The following RAD17 variants were observed in gnomAD, a reference collection of about 807,000 sequenced individuals.
RAD17 encodes the protein cell cycle checkpoint protein RAD17.
In RAD17, 31 loss-of-function variants were observed where a neutral mutation model predicts 81.5. The ratio of observed to expected loss-of-function variants is 0.38; its 90% CI spans 0.29 to 0.51. RAD17 has a LOEUF of 0.51. Among genes scored for constraint, RAD17 ranks in the 20% least tolerant of loss-of-function variants. The pLI, the probability that RAD17 is intolerant of heterozygous loss-of-function variation, is 0.88. For missense variants in RAD17, 681 were observed against 781.2 expected (o/e 0.87, Z 1.53); for synonymous variants, 261 against 266.2 (o/e 0.98, Z 0.19).
intron 16 of RAD17, among the ~76,000 whole-genome samples, chr5:69,399,671 CTTGCTCAGCATAACGTG>C (rs1315864063): frequency 7.6e-6 from 1 of 131,982 alleles, no homozygotes; most frequent in East Asian, 2.2e-4. Context: ...GTGCTTTTCT[CTTGCTCAGCATAACGTG>C]TTGACTAAAG....
rs374304405 is a variant in RAD17 at position 69,391,979 on chromosome 5, C to T, written c.1155C>T (p.Leu385=). The change falls in exon 13 of 19, where the codon CTC becomes CTT. Residue 385 remains leucine (L), a synonymous_variant. Transcript: ENST00000354868. ...GTGGCAAAGATGTTTCTCTGTTTCT[C>T]TTCAGAGCTTTGGGGAAAATTCTAT... The part of the protein sequence containing the change: ...AIGGKDVSLF[L]FRALGKILYC... 25 of 1,554,210 alleles carry T rather than the reference C, an allele frequency of 1.6e-5. No homozygotes were observed. Among genetic ancestry groups the T allele is most frequent in the Non-Finnish European group, 2.2e-5 (25 of 1,160,096 alleles).
chr5:69,407,036 T>C (rs1765648465), intron 17 of RAD17, among the ~76,000 whole-genome samples: 1 of 142,662 alleles, frequency 7.0e-6, no homozygotes, highest in Non-Finnish European at 1.5e-5. Context: ...GGAGTCTTGC[T>C]GTATCTCCCA....
intron 13 of RAD17, among the ~76,000 whole-genome samples, chr5:69,392,326 C>G (rs1195357039): frequency 6.6e-6 from 1 of 152,162 alleles, no homozygotes; most frequent in Non-Finnish European, 1.5e-5. Context: ...GCCTAAAGCC[C>G]TCTTAACACT....
chr5:69,402,089 T>G (rs1435833517), intron 17 of RAD17, among the ~76,000 whole-genome samples: 1 of 149,700 alleles, frequency 6.7e-6, no homozygotes, highest in Middle Eastern at 3.2e-3. Flanking sequence ...CTCTTGTTGC[T>G]GAGGCTGGAG....
In RAD17 at chr5:69,384,861, A is replaced by G; in HGVS notation, c.573A>G (p.Arg191=). The change falls in exon 8 of 19, where the codon AGA becomes AGG. Residue 191 remains arginine (R), a synonymous_variant. Transcript: ENST00000354868. ...QIAVFKEFLL[R]ATKYNKLQML... ...CAGTTTTCAAAGAGTTTCTACTAAGAGCGACAAAGTATAACAAGTTACAAA... is the reference window on the plus strand; with the variant it reads ...CAGTTTTCAAAGAGTTTCTACTAAGGGCGACAAAGTATAACAAGTTACAAA... The G allele has an allele frequency of 3.1e-6, 5 of 1,612,880 alleles. No homozygotes were observed. The highest frequency in any genetic ancestry group is 3.4e-6 in the Non-Finnish European group (4 of 1,179,020).
chr5:69,389,257 T>G, intron 12 of RAD17, 112 bp downstream of exon 12: 1 of 533,752 alleles, frequency 1.9e-6, no homozygotes, highest in Non-Finnish European at 3.1e-6. Flanking sequence ...CTATTTATCC[T>G]TCTTTATTAC....
chr5:69,414,253 A>C lies in RAD17; in HGVS notation c.1974A>C (p.Glu658Asp). 2.5e-6 allele frequency: 4 copies of C among 1,614,194 alleles called. No individual in the cohort carries two copies. The highest frequency in any genetic ancestry group is 3.4e-6 in the Non-Finnish European group (4 of 1,179,988). ...QPFSAQGDME[E>D]NIIIEDYESD... ...TTTCAGCCCAAGGAGACATGGAAGA[A>C]AACATAATAATAGAAGACTACGAGA... The change falls in exon 19 of 19, where the codon GAA becomes GAC. Residue 658 changes from glutamate to aspartate, a missense_variant. Physicochemically the swap from Glu to Asp is conservative, Grantham distance 45. Transcript: ENST00000354868.
At chr5:69,395,779 ATC>A (rs1202349529) in intron 15 of RAD17, among the ~76,000 whole-genome samples, 1 of 151,782 alleles carries the variant, frequency 6.6e-6, no homozygotes, top group African/African-American at 2.4e-5. Flanking sequence ...CTTTTTCTTA[ATC>A]TCTCTATATA....
chr5:69,393,387 T>C lies in RAD17; in HGVS notation c.1309T>C (p.Leu437=). ...AGAAATGTCACACATGCCTGGAGAC[T>C]TATTTAATTTATATCTTCACCAAAA... The part of the protein sequence containing the change: ...VVEMSHMPGD[L]FNLYLHQNYI... Residue 437 remains leucine, a synonymous_variant, in exon 15 of 19, where the codon TTA becomes CTA. Coordinates refer to ENST00000354868, the MANE Select transcript of RAD17 (RefSeq NM_133338.3). 1.3e-6 allele frequency: 2 copies of C among 1,599,444 alleles called. No individual in the cohort carries two copies. Among genetic ancestry groups the C allele is most frequent in the Non-Finnish European group, 1.7e-6 (2 of 1,171,264 alleles).
intron 17 of RAD17, among the ~76,000 whole-genome samples, chr5:69,403,405 T>C (rs539077273): frequency 6.6e-6 from 1 of 152,304 alleles, no homozygotes; most frequent in South Asian, 2.1e-4. Context: ...AGAAGTGATC[T>C]TAAAAAAAAT....
At position 69,372,215 on chromosome 5, in the gene RAD17, C is replaced by A; in HGVS notation, c.7C>A (p.Gln3Lys). MN[Q>K]VTDWVDPSFD... ...ATCTTTTGATGAGGACGAAATGAATCAGGTAGCTATGACTAAAATTTTTTC... is the reference window on the plus strand; with the variant it reads ...ATCTTTTGATGAGGACGAAATGAATAAGGTAGCTATGACTAAAATTTTTTC... The change falls in exon 4 of 19, where the codon CAG (glutamine) becomes AAG (lysine). Residue 3 changes from glutamine to lysine, a missense_variant and splice_region_variant. By Grantham distance (53) the Gln-to-Lys change is moderately conservative. Transcript: ENST00000354868. The A allele has an allele frequency of 1.2e-6, 2 of 1,606,184 alleles. No individual in the cohort carries two copies. Among genetic ancestry groups the A allele is most frequent in the Non-Finnish European group, 8.5e-7 (1 of 1,173,238 alleles).
At chr5:69,387,848 ACT>A (rs2150820416) in intron 11 of RAD17, among the ~76,000 whole-genome samples, 1 of 151,814 alleles carries the variant, frequency 6.6e-6, no homozygotes, top group South Asian at 2.1e-4. Flanking sequence ...CAAGAGCAAA[ACT>A]CTGTATCCCA....
upstream of RAD17, chr5:69,369,495 C>T (rs756551615): frequency 6.2e-7 from 1 of 1,611,584 alleles, no homozygotes; most frequent in East Asian, 2.2e-5. Context: ...CAACATGGTC[C>T]CCGCCGCGAC....
chr5:69,373,685 A>ATT (rs1763152066), intron 4 of RAD17, 145 bp from the exon 5 acceptor site: 3 of 380,062 alleles, frequency 7.9e-6, no homozygotes, highest in Non-Finnish European at 1.2e-5. Context: ...GTCTCAAAAA[A>ATT]ATTTTTTTTT....
chr5:69,385,150 C>T (rs73113064), intron 8 of RAD17, among the ~76,000 whole-genome samples: 12,461 of 151,320 alleles, frequency 0.082, 918 homozygotes, highest in African/African-American at 0.19. Flanking sequence ...TTAGTAGAGA[C>T]GGGGTTTCAC....
chr5:69,375,822 A>C (rs368083457), intron 6 of RAD17, among the ~76,000 whole-genome samples: 1 of 150,300 alleles, frequency 6.7e-6, no homozygotes, highest in Middle Eastern at 3.5e-3. Context: ...GCTGTTATAT[A>C]TCTTAGGCCT....
rs1766244329 is a variant in RAD17, at chr5:69,414,314, T to A, written c.*22T>A. ...ATAGAAGCCAGCCTGCTAATCAGAT[T>A]GCTACTTCACAGCTTCATTTTTGTT... On this transcript the variant is annotated 3_prime_UTR_variant, in exon 19 of 19. Coordinates refer to ENST00000354868, the MANE Select transcript of RAD17 (RefSeq NM_133338.3). 6.8e-6 allele frequency: 11 copies of A among 1,608,210 alleles called. No homozygotes were observed. The East Asian group carries it at 2.5e-4, about 36-fold the overall frequency.
chr5:69,391,083 A>G (rs1226647294), intron 12 of RAD17, among the ~76,000 whole-genome samples: 3 of 152,030 alleles, frequency 2.0e-5, no homozygotes, highest in Non-Finnish European at 2.9e-5. Flanking sequence ...CTAAAAATAC[A>G]AAAATTTAGC....
At chr5:69,412,110 C>CCA in intron 18 of RAD17, among the ~76,000 whole-genome samples, 1 of 152,216 alleles carries the variant, frequency 6.6e-6, no homozygotes, top group African/African-American at 2.4e-5. Context: ...GCGCCCGCCA[C>CCA]CACGCCCAGC....
Sources: allele counts gnomAD v4.1 joint callset (sites outside exome capture counted in the v4.1 genomes callset), GRCh38; gene constraint gnomAD v4.1.1; transcripts MANE v1.5; gene names NCBI Gene and HGNC (gene_info 2026-07-23, HGNC 2026-07-21).